CLIP3: variants seen among roughly 807,000 people sequenced by gnomAD.
CLIP3 encodes the protein CAP-Gly domain-containing linker protein 3.
Under a neutral mutation model 59.4 loss-of-function variants are expected in CLIP3, and 15 were observed. The ratio of observed to expected loss-of-function variants is 0.25; its 90% CI spans 0.17 to 0.39. The LOEUF is 0.39. Among genes scored for constraint, CLIP3 ranks in the 10% least tolerant of loss-of-function variants. The pLI, the probability that CLIP3 is intolerant of heterozygous loss-of-function variation, is 1.00. For missense variants in CLIP3, 495 were observed against 765.7 expected, an observed-to-expected ratio of 0.65 and a Z score of 4.17; for synonymous variants, 300 against 321.6, an observed-to-expected ratio of 0.93 and a Z score of 0.72.
chr19:36,027,420 T>C, intron 2 of CLIP3, 149 bp from the exon 3 acceptor site: 2 of 805,368 alleles, frequency 2.5e-6, no homozygotes, highest in South Asian at 5.5e-5. Flanking sequence ...CCACAGGCAT[T>C]TTCTGTGTGG....
chr19:36,028,382 T>C (rs1969169198), intron 2 of CLIP3, among the ~76,000 whole-genome samples: 1 of 151,974 alleles, frequency 6.6e-6, no homozygotes, highest in South Asian at 2.1e-4. Flanking sequence ...TAAAATAAAA[T>C]GTATCCATGA....
At position 36,032,199 on chromosome 19, in the gene CLIP3, C is replaced by A; in HGVS notation, c.159G>T (p.Lys53Asn). The change falls in exon 2 of 14, where the codon AAG (lysine) becomes AAT (asparagine). Residue 53 changes from lysine to asparagine, a missense_variant. This residue lies in a region of CLIP3 where 90 missense variants were observed against 105.2 expected (regional missense o/e 0.86). Coordinates refer to ENST00000360535, the MANE Select transcript of CLIP3 (RefSeq NM_015526.3). This position sits in a 1 kb window ranked among gnomAD's most constrained non-coding sequence, Gnocchi z 4.3. ...VHPSAPAPLP[K>N]DYAFTFFDPN... ...GGTGGGGACAGTGGTTACCGTAGTC[C>A]TTAGGGAGGGGGGCAGGTGCCGAGG... The A allele has an allele frequency of 7.8e-7, 1 of 1,283,216 alleles. No individual in the cohort carries two copies. The highest frequency in any genetic ancestry group is 9.9e-7 in the Non-Finnish European group (1 of 1,005,360). The allele number at this position is 1,283,216 out of a possible 1,614,324, so 79.5% of individuals were successfully genotyped here.
chr19:36,026,598 C>G lies in CLIP3; in HGVS notation c.550G>C (p.Ala184Pro). 1 of 1,613,746 alleles carries G rather than the reference C, an allele frequency of 6.2e-7. No individual in the cohort carries two copies. Among genetic ancestry groups the G allele is most frequent in the Non-Finnish European group, 8.5e-7 (1 of 1,179,954 alleles). ...CTCTCCTCCTCACCTCGCGGCCTCGCACCCTTCAGCAGCACACGCACGAGG... is the reference window on the plus strand; with the variant it reads ...CTCTCCTCCTCACCTCGCGGCCTCGGACCCTTCAGCAGCACACGCACGAGG... ...PDLVRVLLKG[A>P]RPRVVNSTCS... Residue 184 changes from alanine to proline, a missense_variant, in exon 5 of 14, where the codon GCG becomes CCG. Physicochemically the swap from Ala to Pro is conservative, Grantham distance 27. Transcript: ENST00000360535. The surrounding 1 kb of genome is among the most constrained non-coding windows in gnomAD (Gnocchi z 6.3).
chr19:36,026,340 T>C lies in CLIP3; in HGVS notation c.563-75A>G. 7.4e-7 allele frequency: 1 copy of C among 1,346,796 alleles called. No homozygotes were observed. The highest frequency in any genetic ancestry group is 1.4e-5 in the African/African-American group (1 of 69,366). 83.4% of individuals were successfully genotyped at this position (1,346,796 alleles called of 1,614,324 possible). A position where few individuals can be genotyped will look rare whatever the true frequency, so the allele number is the denominator to read the frequency against. ...AGCCCTCCTCCCACCTCGGGGCTCATCTCTTAACTTGCAGGTCCCAGAGCC... is the reference window on the plus strand; with the variant it reads ...AGCCCTCCTCCCACCTCGGGGCTCACCTCTTAACTTGCAGGTCCCAGAGCC... On this transcript the variant is annotated intron_variant, in intron 5 of 13. Transcript: ENST00000360535. This position sits in a 1 kb window ranked among gnomAD's most constrained non-coding sequence, Gnocchi z 6.3.
intron 2 of CLIP3, among the ~76,000 whole-genome samples, chr19:36,028,410 C>T (rs550526057): frequency 6.6e-6 from 1 of 152,248 alleles, no homozygotes; most frequent in East Asian, 1.9e-4. Context: ...TCAACCTGTG[C>T]CCAGCCAGGG....
At chr19:36,018,582 CAAAAAAAAA>C (rs753224712) in intron 9 of CLIP3, among the ~76,000 whole-genome samples, 2 of 75,958 alleles carry the variant, frequency 2.6e-5, no homozygotes, top group Non-Finnish European at 5.4e-5. Context: ...ACTCTTGACT[CAAAAAAAAA>C]AAAAAAAAAA....
At position 36,032,179 on chromosome 19, in the gene CLIP3, G is replaced by A; in HGVS notation, c.166+13C>T. On this transcript the variant is annotated intron_variant, in intron 2 of 13. Transcript: ENST00000360535. This position sits in a 1 kb window ranked among gnomAD's most constrained non-coding sequence, Gnocchi z 4.3. ...CGCTCCAGGCCAGATTCCAGGGTGG[G>A]GACAGTGGTTACCGTAGTCCTTAGG... The A allele has an allele frequency of 8.0e-7, 1 of 1,252,858 alleles. No homozygotes were observed. Among genetic ancestry groups the A allele is most frequent in the Admixed American group, 3.9e-5 (1 of 25,594 alleles). 77.6% of individuals were successfully genotyped at this position (1,252,858 alleles called of 1,614,324 possible).
At chr19:36,017,627 T>C (rs1186661469) in intron 11 of CLIP3, 28 bp downstream of exon 11, 3 of 1,613,134 alleles carry the variant, frequency 1.9e-6, no homozygotes, top group Non-Finnish European at 2.5e-6. Context: ...GGTGGTGCCC[T>C]GGGTTTGGGC....
chr19:36,026,907 G>C lies in CLIP3; in HGVS notation c.400+45C>G. 6.6e-7 allele frequency: 1 copy of C among 1,525,128 alleles called. No homozygotes were observed. Among genetic ancestry groups the C allele is most frequent in the Non-Finnish European group, 8.8e-7 (1 of 1,140,124 alleles). The allele number at this position is 1,525,128 out of a possible 1,614,324, so 94.5% of individuals were successfully genotyped here. A position where few individuals can be genotyped will look rare whatever the true frequency, so the allele number is the denominator to read the frequency against. On this transcript the variant is annotated intron_variant, in intron 4 of 13. Coordinates refer to ENST00000360535, the MANE Select transcript of CLIP3 (RefSeq NM_015526.3). This position sits in a 1 kb window ranked among gnomAD's most constrained non-coding sequence, Gnocchi z 6.3. ...TGGTTTTCAGCGTGTTGGGTCTGGG[G>C]GCCTAGGCTTTGGGGCTTATGACTT...
intron 7 of CLIP3, among the ~76,000 whole-genome samples, chr19:36,023,056 AAAT>A (rs1038613734): frequency 1.1e-4 from 16 of 151,998 alleles, no homozygotes; most frequent in African/African-American, 3.6e-4. Flanking sequence ...CTCCATCTCA[AAAT>A]AATAATAATA....
In CLIP3 at chr19:36,026,888, T is replaced by C; in HGVS notation, c.400+64A>G. On this transcript the variant is annotated intron_variant, in intron 4 of 13. Transcript: ENST00000360535. This position sits in a 1 kb window ranked among gnomAD's most constrained non-coding sequence, Gnocchi z 6.3. ...ATGGGGCCTGAGTTCTGGGTGGTTT[T>C]CAGCGTGTTGGGTCTGGGGGCCTAG... 6.6e-7 allele frequency: 1 copy of C among 1,525,112 alleles called. No individual in the cohort carries two copies. The highest frequency in any genetic ancestry group is 2.3e-5 in the East Asian group (1 of 44,176). The allele number at this position is 1,525,112 out of a possible 1,614,324, so 94.5% of individuals were successfully genotyped here. A position where few individuals can be genotyped will look rare whatever the true frequency, so the allele number is the denominator to read the frequency against.
chr19:36,031,841 C>T (rs894066960), intron 2 of CLIP3, among the ~76,000 whole-genome samples: 1 of 152,226 alleles, frequency 6.6e-6, no homozygotes, highest in Non-Finnish European at 1.5e-5. Flanking sequence ...ATTTGTGTGG[C>T]TGTTACTGAG....
At position 36,019,308 on chromosome 19, in the gene CLIP3, TG is replaced by T; in HGVS notation, c.919-3del. On this transcript the variant is annotated splice_polypyrimidine_tract_variant and splice_region_variant and intron_variant, in intron 7 of 13. Transcript: ENST00000360535. ...CCCACAGAACCGCAGTGTGCCCGTC[TG>T]GGGAGAGAAGGGAGGCGATGGCTAA... 2 of 1,610,304 alleles carry T rather than the reference TG, an allele frequency of 1.2e-6. No individual in the cohort carries two copies. The highest frequency in any genetic ancestry group is 1.7e-5 in the Admixed American group (1 of 59,602).
chr19:36,021,995 C>T (rs1217523562), intron 7 of CLIP3, among the ~76,000 whole-genome samples: 4 of 152,260 alleles, frequency 2.6e-5, no homozygotes, highest in East Asian at 1.9e-4. Context: ...TCTCCTGCCT[C>T]AGCCTCCTGA....
In CLIP3 at chr19:36,027,025, A is replaced by T. The variant is rs1264482063; in HGVS notation, c.327T>A (p.His109Gln). The change falls in exon 4 of 14, where the codon CAT becomes CAA. Residue 109 changes from histidine (H) to glutamine (Q), a missense_variant. By Grantham distance (24) the His-to-Gln change is conservative. This residue lies in a region of CLIP3 where 26 missense variants were observed against 79.5 expected (regional missense o/e 0.33). Transcript: ENST00000360535. ...CGGTCAGCCCGTCACGATCGTTCAC[A>T]TGGCAGCCTCGGCGCAGAATCTGTG... ...IGNEILRRGC[H>Q]VNDRDGLTDM... 2 of 1,600,452 alleles carry T rather than the reference A, an allele frequency of 1.2e-6. No individual in the cohort carries two copies. Among genetic ancestry groups the T allele is most frequent in the African/African-American group, 2.7e-5 (2 of 74,114 alleles).
intron 2 of CLIP3, among the ~76,000 whole-genome samples, chr19:36,029,570 C>T (rs982954262): frequency 6.6e-6 from 1 of 151,662 alleles, no homozygotes; most frequent in African/African-American, 2.4e-5. Context: ...CAGGTGTGAG[C>T]CACCATGCCC....
In CLIP3 at chr19:36,027,010, G is replaced by A. The variant is rs1399186572; in HGVS notation, c.342C>T (p.Asp114=). The change falls in exon 4 of 14, where the codon GAC becomes GAT. Residue 114 remains aspartate, a synonymous_variant. Transcript: ENST00000360535. ...GGAGCAGTGTCATGTCGGTCAGCCC[G>A]TCACGATCGTTCACATGGCAGCCTC... The part of the protein sequence containing the change: ...LRRGCHVNDR[D]GLTDMTLLHY... 6.3e-7 allele frequency: 1 copy of A among 1,595,890 alleles called. No homozygotes were observed. The highest frequency in any genetic ancestry group is 8.5e-7 in the Non-Finnish European group (1 of 1,173,248).
At chr19:36,029,304 C>A in intron 2 of CLIP3, among the ~76,000 whole-genome samples, 1 of 53,914 alleles carries the variant, frequency 1.9e-5, no homozygotes. Flanking sequence ...TGGAGTCCGT[C>A]TCAAAAAAAA....
chr19:36,025,335 A>T (rs945928277), intron 6 of CLIP3, among the ~76,000 whole-genome samples: 3 of 151,302 alleles, frequency 2.0e-5, no homozygotes, highest in Non-Finnish European at 4.4e-5. Flanking sequence ...TTATGCTTAT[A>T]ATCCTAGCAA....
Sources: gnomAD v4.1 joint callset for allele counts (sites outside exome capture counted in the v4.1 genomes callset) on GRCh38, gnomAD v4.1.1 for gene constraint, gnomAD v4.1.1 regional missense constraint, Gnocchi (gnomAD v3.1) non-coding constraint, MANE v1.5 for transcripts, NCBI Gene and HGNC (gene_info 2026-07-23, HGNC 2026-07-21) for gene names.